GATA6: variants seen among roughly 807,000 people sequenced by gnomAD.
GATA6 encodes GATA binding protein 6.
A neutral mutation model predicts 48.1 loss-of-function variants in GATA6; 11 were observed. The ratio of observed to expected loss-of-function variants is 0.23; its 90% CI spans 0.14 to 0.38. The LOEUF is 0.38. Among genes scored for constraint, GATA6 ranks in the 10% least tolerant of loss-of-function variants. The pLI is 1.00. For synonymous variants in GATA6, 419 were observed against 396.1 expected (o/e 1.06, Z -0.69); for missense variants, 795 against 850.3 (o/e 0.93, Z 0.81).
chr18:22,171,086 C>A lies in GATA6; in HGVS notation c.-37-22C>A. On this transcript the variant is annotated intron_variant, in intron 1 of 6. Coordinates refer to ENST00000269216, the MANE Select transcript of GATA6 (RefSeq NM_005257.6). This position sits in a 1 kb window ranked among gnomAD's most constrained non-coding sequence, Gnocchi z 7.1. The stretch of plus-strand genomic sequence containing the variant: ...TAACCCGTCGATCTCCTACCATACC[C>A]GTCTCCCCCACCCCACCTCAGGAGC... 2.7e-6 allele frequency: 4 copies of A among 1,476,694 alleles called. No homozygotes were observed. Among genetic ancestry groups the A allele is most frequent in the Non-Finnish European group, 3.7e-6 (4 of 1,073,276 alleles). The allele number at this position is 1,476,694 out of a possible 1,614,324, so 91.5% of individuals were successfully genotyped here. A position where few individuals can be genotyped will look rare whatever the true frequency, so the allele number is the denominator to read the frequency against.
chr18:22,190,207 T>G (rs1286794530), intron 6 of GATA6, among the ~76,000 whole-genome samples: 4 of 152,228 alleles, frequency 2.6e-5, no homozygotes, highest in African/African-American at 9.7e-5. Flanking sequence ...GCAAATTTTC[T>G]TATCAATGTT....
Position 22,201,454 on chromosome 18 carries a change from G to A in GATA6, c.*631G>A, listed in dbSNP as rs1011493645. On this transcript the variant is annotated 3_prime_UTR_variant, in exon 7 of 7. Transcript: ENST00000269216. Reference sequence around the variant, plus strand: ...AGCAAACAAGATATTTTTCTTCCATGTATACAATAATTTTTTTAAAAAGTG... The same window carrying A: ...AGCAAACAAGATATTTTTCTTCCATATATACAATAATTTTTTTAAAAAGTG... 1 of 152,944 alleles carries A rather than the reference G, an allele frequency of 6.5e-6. No homozygotes were observed. The highest frequency in any genetic ancestry group is 2.4e-5 in the African/African-American group (1 of 41,442). The allele number at this position is 152,944 out of a possible 1,614,324, so 9.5% of individuals were successfully genotyped here. A position where few individuals can be genotyped will look rare whatever the true frequency, so the allele number is the denominator to read the frequency against.
Position 22,202,379 on chromosome 18 carries a change from C to G in GATA6, c.*1556C>G, listed in dbSNP as rs1057171227. 3.3e-5 allele frequency: 5 copies of G among 152,134 alleles called. No individual in the cohort carries two copies. The highest frequency in any genetic ancestry group is 1.2e-4 in the African/African-American group (5 of 41,412). The allele number at this position is 152,134 out of a possible 1,614,324, so 9.4% of individuals were successfully genotyped here. A position where few individuals can be genotyped will look rare whatever the true frequency, so the allele number is the denominator to read the frequency against. ...TTCCTTTTGCAACGTGCCTTGAAGT[C>G]TCAAAGCTCACCTGAGGTTGCAGAC... On this transcript the variant is annotated 3_prime_UTR_variant, in exon 7 of 7. Transcript: ENST00000269216.
In GATA6 at chr18:22,170,164, G is replaced by A. The variant is rs2033012814; in HGVS notation, c.-38+482G>A. Among the ~76,000 whole-genome samples, 2 of 152,152 alleles carry A rather than the reference G, an allele frequency of 1.3e-5. No individual in the cohort carries two copies. ...CCCATTTGGGGTCGCCTCGGCTCTGGGGCGGTCTCACGCTCCCCCCTCCCC... is the reference window on the plus strand; with the variant it reads ...CCCATTTGGGGTCGCCTCGGCTCTGAGGCGGTCTCACGCTCCCCCCTCCCC... On this transcript the variant is annotated intron_variant, in intron 1 of 6. Transcript: ENST00000269216. The surrounding 1 kb of genome is among the most constrained non-coding windows in gnomAD (Gnocchi z 6.7).
At chr18:22,178,702 A>G (rs1350533931) in intron 3 of GATA6, among the ~76,000 whole-genome samples, 2 of 152,124 alleles carry the variant, frequency 1.3e-5, no homozygotes, top group East Asian at 3.8e-4. Flanking sequence ...ACTCGTTACA[A>G]CCTCCCACAG....
chr18:22,180,625 G>A lies in GATA6; in HGVS notation c.1303-828G>A, dbSNP rs553367098. Reference sequence around the variant, plus strand: ...TTTGTAAAATAGATAAAACAAAAATGCAGGCAGCAGGCAATCATGATGGTA... The same window carrying A: ...TTTGTAAAATAGATAAAACAAAAATACAGGCAGCAGGCAATCATGATGGTA... On this transcript the variant is annotated intron_variant, in intron 3 of 6. Coordinates refer to ENST00000269216, the MANE Select transcript of GATA6 (RefSeq NM_005257.6). 4.3e-4 allele frequency among the ~76,000 whole-genome samples: 65 copies of A among 151,910 alleles called. 1 individual carries two copies. Among genetic ancestry groups the A allele is most frequent in the Admixed American group, 1.9e-3 (29 of 15,260 alleles).
At chr18:22,191,254 AC>A (rs1323073242) in intron 6 of GATA6, among the ~76,000 whole-genome samples, 3 of 152,186 alleles carry the variant, frequency 2.0e-5, no homozygotes, top group African/African-American at 7.2e-5. Flanking sequence ...TAGCCAGAAT[AC>A]TGGATAAAGA....
At chr18:22,193,582 C>A (rs536376855) in intron 6 of GATA6, among the ~76,000 whole-genome samples, 23 of 152,294 alleles carry the variant, frequency 1.5e-4, no homozygotes, top group Non-Finnish European at 2.5e-4. Flanking sequence ...CAGTCTCACT[C>A]AGATGTGTAG....
At chr18:22,200,061 G>C (rs2033438022) in intron 6 of GATA6, among the ~76,000 whole-genome samples, 1 of 152,126 alleles carries the variant, frequency 6.6e-6, no homozygotes, top group African/African-American at 2.4e-5. Flanking sequence ...ATATGCATAG[G>C]TTTATTTTCC....
Position 22,172,454 on chromosome 18 carries a change from G to A in GATA6, c.1135+175G>A, listed in dbSNP as rs2033069367. On this transcript the variant is annotated intron_variant, in intron 2 of 6. Coordinates refer to ENST00000269216, the MANE Select transcript of GATA6 (RefSeq NM_005257.6). The surrounding 1 kb of genome is among the most constrained non-coding windows in gnomAD (Gnocchi z 5.2). Reference sequence around the variant, plus strand: ...CCTGTGGCTGGGTAACCCAGAGTCCGGTAGCGCTGAGGCGAGTTGTGCCAA... The same window carrying A: ...CCTGTGGCTGGGTAACCCAGAGTCCAGTAGCGCTGAGGCGAGTTGTGCCAA... Among the ~76,000 whole-genome samples, 1 of 152,206 alleles carries A rather than the reference G, an allele frequency of 6.6e-6. No homozygotes were observed. The highest frequency in any genetic ancestry group is 1.5e-5 in the Non-Finnish European group (1 of 68,036).
At position 22,201,996 on chromosome 18, in the gene GATA6, C is replaced by T. The variant is rs1166869999; in HGVS notation, c.*1173C>T. On this transcript the variant is annotated 3_prime_UTR_variant, in exon 7 of 7. Coordinates refer to ENST00000269216, the MANE Select transcript of GATA6 (RefSeq NM_005257.6). ...TTGTCTTCTGTACAGTGAGTTCCTT[C>T]CCTTTTCAAAGCTTTCTTTTTATGC... 1 of 152,082 alleles carries T rather than the reference C, an allele frequency of 6.6e-6. No individual in the cohort carries two copies. Among genetic ancestry groups the T allele is most frequent in the Non-Finnish European group, 1.5e-5 (1 of 68,022 alleles). The allele number at this position is 152,082 out of a possible 1,614,324, so 9.4% of individuals were successfully genotyped here.
At chr18:22,200,590 T>C in intron 6 of GATA6, 66 bp from the exon 7 acceptor site, 1 of 1,598,852 alleles carries the variant, frequency 6.3e-7, no homozygotes, top group Non-Finnish European at 8.6e-7. Flanking sequence ...CCCATGTATT[T>C]CACTACCAGG....
intron 3 of GATA6, among the ~76,000 whole-genome samples, chr18:22,181,133 A>G (rs553114882): frequency 4.5e-4 from 68 of 152,280 alleles, no homozygotes; most frequent in African/African-American, 1.5e-3. Flanking sequence ...ACTCTCCTTG[A>G]TATGATGCTG....
chr18:22,188,520 G>C (rs112282736), intron 6 of GATA6, among the ~76,000 whole-genome samples: 121 of 152,292 alleles, frequency 7.9e-4, no homozygotes, highest in African/African-American at 2.7e-3. Flanking sequence ...TGGAGTGTAG[G>C]GGGTAAGAAG....
chr18:22,195,763 T>G (rs2033381632), intron 6 of GATA6, among the ~76,000 whole-genome samples: 1 of 152,226 alleles, frequency 6.6e-6, no homozygotes, highest in Non-Finnish European at 1.5e-5. Context: ...TTTTCCATTT[T>G]GCTCCATGAT....
rs1181161263 is a variant in GATA6 at position 22,200,985 on chromosome 18, G to C, written c.*162G>C. On this transcript the variant is annotated 3_prime_UTR_variant, in exon 7 of 7. Transcript: ENST00000269216. Reference sequence around the variant, plus strand: ...TTTTCCCAAGAGGCTTGCTGAAAGAGTGAGAGAAGATGGAAGGGAAGGGCC... The same window carrying C: ...TTTTCCCAAGAGGCTTGCTGAAAGACTGAGAGAAGATGGAAGGGAAGGGCC... 1 of 911,000 alleles carries C rather than the reference G, an allele frequency of 1.1e-6. No homozygotes were observed. Among genetic ancestry groups the C allele is most frequent in the Non-Finnish European group, 1.6e-6 (1 of 612,732 alleles). 56.4% of individuals were successfully genotyped at this position (911,000 alleles called of 1,614,324 possible).
chr18:22,177,960 T>G lies in GATA6; in HGVS notation c.1302+839T>G, dbSNP rs1038791308. On this transcript the variant is annotated intron_variant, in intron 3 of 6. Transcript: ENST00000269216. ...CGTTTTACTGTTTTTTTGTTTTTTT[T>G]TTTTTTTTTTTTTTTTTTGAGACGG... Among the ~76,000 whole-genome samples the G allele has an allele frequency of 5.9e-3, 786 of 133,826 alleles. 9 individuals carry two copies. Among genetic ancestry groups the G allele is most frequent in the East Asian group, 0.017 (78 of 4,694 alleles). 87.8% of individuals were successfully genotyped at this position (133,826 alleles called of 152,430 possible). A position where few individuals can be genotyped will look rare whatever the true frequency, so the allele number is the denominator to read the frequency against.
rs1236874269 is a variant in GATA6, at chr18:22,172,315, A to G, written c.1135+36A>G. The stretch of plus-strand genomic sequence containing the variant: ...CGCCTCAGGTTCGGGGTGCGGGTCC[A>G]AAGCGCTGGGGCGCACGGGGGACGT... On this transcript the variant is annotated intron_variant, in intron 2 of 6. Coordinates refer to ENST00000269216, the MANE Select transcript of GATA6 (RefSeq NM_005257.6). The surrounding 1 kb of genome is among the most constrained non-coding windows in gnomAD (Gnocchi z 5.2). 2 of 1,525,888 alleles carry G rather than the reference A, an allele frequency of 1.3e-6. No homozygotes were observed. Among genetic ancestry groups the G allele is most frequent in the Non-Finnish European group, 1.8e-6 (2 of 1,141,496 alleles). The allele number at this position is 1,525,888 out of a possible 1,614,324, so 94.5% of individuals were successfully genotyped here.
rs2033060375 is a variant in GATA6 at position 22,172,110 on chromosome 18, G to A, written c.966G>A (p.Thr322=). 2.0e-6 allele frequency: 3 copies of A among 1,506,184 alleles called. No homozygotes were observed. The highest frequency in any genetic ancestry group is 2.6e-6 in the Non-Finnish European group (3 of 1,133,232). The allele number at this position is 1,506,184 out of a possible 1,614,324, so 93.3% of individuals were successfully genotyped here. ...CGGCCGCGCGGCCGCTGAACGGGAC[G>A]TACCACCACCACCACCACCACCACC... ...SLSAARPLNG[T]YHHHHHHHHH... Residue 322 remains threonine, a synonymous_variant, in exon 2 of 7, where the codon ACG becomes ACA. Transcript: ENST00000269216. The surrounding 1 kb of genome is among the most constrained non-coding windows in gnomAD (Gnocchi z 5.2).
Sources: allele counts gnomAD v4.1 joint callset (sites outside exome capture counted in the v4.1 genomes callset), GRCh38; gene constraint gnomAD v4.1.1; non-coding constraint Gnocchi (gnomAD v3.1); transcripts MANE v1.5; gene names NCBI Gene and HGNC (gene_info 2026-07-23, HGNC 2026-07-21).